Variants in RNF17 observed in about 807,000 individuals in gnomAD.
RNF17 encodes the protein ring finger protein 17, also known as spermatogenesis associated 23.
Under a neutral mutation model 200.5 loss-of-function variants are expected in RNF17, and 31 were observed. The observed-to-expected ratio is 0.15, with a 90% CI of 0.12 to 0.21. RNF17 has a LOEUF of 0.21. RNF17 is among the 10% of genes least tolerant of loss of function. RNF17 has a pLI of 1.00. For synonymous variants in RNF17, 606 were observed against 637.8 expected (o/e 0.95, Z 0.75); for missense variants, 1,628 against 1,905.1 (o/e 0.85, Z 2.71).
the RNF17 span, chr13:24,751,020 G>T: frequency 1.3e-5 from 2 of 151,910 alleles, no homozygotes; most frequent in African/African-American, 4.8e-5. Context: ...TCTAAAGCTG[G>T]AATTAAATTC....
At chr13:24,873,328 T>C (rs1894497246) in intron 32 of RNF17, among the ~76,000 whole-genome samples, 1 of 152,196 alleles carries the variant, frequency 6.6e-6, no homozygotes, top group East Asian at 1.9e-4. Context: ...TTATAAAATA[T>C]GAACAGAAAA....
chr13:24,763,506 C>G (rs541783645), upstream of RNF17, among the ~76,000 whole-genome samples: 7 of 151,910 alleles, frequency 4.6e-5, no homozygotes, highest in South Asian at 2.1e-4. Flanking sequence ...CGTGAGCCAC[C>G]GCGCCGGGCC....
intron 15 of RNF17, among the ~76,000 whole-genome samples, chr13:24,809,740 C>T (rs1886361762): frequency 6.6e-6 from 1 of 152,080 alleles, no homozygotes; most frequent in South Asian, 2.1e-4. Flanking sequence ...GTTAGGGTGT[C>T]AATTTTGGAT....
chr13:24,789,549 C>A, intron 8 of RNF17, 125 bp downstream of exon 8: 2 of 894,702 alleles, frequency 2.2e-6, no homozygotes, highest in South Asian at 1.6e-5. Context: ...AGTTAGTAAC[C>A]AAATTAAGAT....
Position 24,799,447 on chromosome 13 carries a change from T to C in RNF17, c.1452T>C (p.Thr484=). ...SIKNGMWCRG[T]ITELIPIEGR... ...AAAATGGAATGTGGTGTCGAGGAACTATCACAGAATTAATTCCAATAGAGG... is the reference window on the plus strand; with the variant it reads ...AAAATGGAATGTGGTGTCGAGGAACCATCACAGAATTAATTCCAATAGAGG... The change falls in exon 12 of 36, where the codon ACT becomes ACC. Residue 484 remains threonine (T), a synonymous_variant. Transcript: ENST00000255324. The C allele has an allele frequency of 1.2e-6, 2 of 1,610,782 alleles. 1 individual carries two copies.
At position 24,870,673 on chromosome 13, in the gene RNF17, G is replaced by T. The variant is rs746823725; in HGVS notation, c.4381G>T (p.Asp1461Tyr). Residue 1461 changes from aspartate to tyrosine, a missense_variant, in exon 32 of 36, where the codon GAT (aspartate) becomes TAT (tyrosine). Physicochemically the swap from Asp to Tyr is radical, Grantham distance 160 (BLOSUM62 -3). Transcript: ENST00000255324. ...VSGESESESL[D>Y]EALQRVNKKV... The stretch of plus-strand genomic sequence containing the variant: ...CGGGGAATCAGAATCCGAGAGCCTT[G>T]ATGAAGCACTGCAGAGGGTTAATAA... The T allele has an allele frequency of 6.2e-7, 1 of 1,614,206 alleles. No individual in the cohort carries two copies. Among genetic ancestry groups the T allele is most frequent in the Non-Finnish European group, 8.5e-7 (1 of 1,180,020 alleles).
In RNF17 at chr13:24,877,064, T is replaced by C. The variant is rs1348637289; in HGVS notation, c.4651T>C (p.Phe1551Leu). Residue 1551 changes from phenylalanine to leucine, a missense_variant, in exon 34 of 36, where the codon TTT becomes CTT. Physicochemically the swap from Phe to Leu is conservative, Grantham distance 22 (BLOSUM62 0). Coordinates refer to ENST00000255324, the MANE Select transcript of RNF17 (RefSeq NM_031277.3). ...ARAIKVLLAG[F>L]KPPLRDLGET... ...AGCCATAAAGGTTCTCTTGGCAGGG[T>C]TTAAACCTCCCTTAAGGGATCTAGG... The C allele has an allele frequency of 5.6e-6, 9 of 1,613,282 alleles. No homozygotes were observed. The highest frequency in any genetic ancestry group is 4.0e-5 in the African/African-American group (3 of 74,824).
At chr13:24,829,975 G>A (rs956055536) in intron 16 of RNF17, among the ~76,000 whole-genome samples, 2 of 152,082 alleles carry the variant, frequency 1.3e-5, no homozygotes, top group African/African-American at 2.4e-5. Context: ...TGTATTAAGT[G>A]CTTACTTTGT....
intron 18 of RNF17, among the ~76,000 whole-genome samples, chr13:24,836,422 A>G (rs1342822052): frequency 6.6e-6 from 1 of 152,218 alleles, no homozygotes; most frequent in South Asian, 2.1e-4. Context: ...AGGTTATCAA[A>G]GTTAAGACGA....
intron 9 of RNF17, among the ~76,000 whole-genome samples, chr13:24,791,545 T>C (rs190337609): frequency 1.3e-5 from 2 of 152,268 alleles, no homozygotes; most frequent in African/African-American, 2.4e-5. Context: ...ACTTAAGAGA[T>C]CTTGGTCTTG....
At chr13:24,848,399 C>T (rs1347311066) in intron 22 of RNF17, among the ~76,000 whole-genome samples, 6 of 152,184 alleles carry the variant, frequency 3.9e-5, no homozygotes, top group Admixed American at 6.6e-5. Flanking sequence ...CGGTGGCCCA[C>T]GCCTGTAAAC....
At chr13:24,844,063 T>A in intron 20 of RNF17, 92 bp downstream of exon 20, 1 of 426,222 alleles carries the variant, frequency 2.3e-6, no homozygotes, top group Non-Finnish European at 3.9e-6. Flanking sequence ...TAAATGTAGA[T>A]TTTACTAGCA....
intron 25 of RNF17, among the ~76,000 whole-genome samples, chr13:24,857,798 T>C (rs1892675643): frequency 6.6e-6 from 1 of 152,134 alleles, no homozygotes; most frequent in Non-Finnish European, 1.5e-5. Flanking sequence ...CTCAGGAAAC[T>C]GAGGCAGGAG....
upstream of RNF17, among the ~76,000 whole-genome samples, chr13:24,760,906 A>G (rs914696169): frequency 2.0e-5 from 3 of 152,230 alleles, no homozygotes; most frequent in African/African-American, 7.2e-5. Flanking sequence ...AATGCAAATT[A>G]AAACCACAAT....
At chr13:24,886,595 AG>A in the RNF17 span, among the ~76,000 whole-genome samples, 1 of 152,182 alleles carries the variant, frequency 6.6e-6, no homozygotes, top group Non-Finnish European at 1.5e-5. Flanking sequence ...GCTTGAGCAA[AG>A]GGGCAGATGG....
In RNF17 at chr13:24,865,726, G is replaced by A. The variant is rs373082493; in HGVS notation, c.4102-418G>A. Among the ~76,000 whole-genome samples, 7 of 152,096 alleles carry A rather than the reference G, an allele frequency of 4.6e-5. No homozygotes were observed. In the East Asian group the frequency reaches 1.2e-3, roughly 25 times the overall value. On this transcript the variant is annotated intron_variant, in intron 29 of 35. Coordinates refer to ENST00000255324, the MANE Select transcript of RNF17 (RefSeq NM_031277.3). The stretch of plus-strand genomic sequence containing the variant: ...GAAATCGTGCTATAACTTTGTTCCT[G>A]TAATCCTCACTGCCAGCTTTTTCTT...
At chr13:24,751,253 C>G in the RNF17 span, 1 of 151,748 alleles carries the variant, frequency 6.6e-6, no homozygotes, top group Admixed American at 6.6e-5. Context: ...ATTGATCCAT[C>G]ATCATCGTCA....
rs754046181 is a variant in RNF17 at position 24,807,604 on chromosome 13, A to G, written c.2091+3175A>G. On this transcript the variant is annotated intron_variant, in intron 15 of 35. Transcript: ENST00000255324. ...CTCCCATTTTGTAGGTTGTCTGTTC[A>G]TTCTGATGGTAGTTTCTTTTGCTGT... Among the ~76,000 whole-genome samples the G allele has an allele frequency of 2.6e-4, 39 of 152,158 alleles. 1 individual carries two copies. Among genetic ancestry groups the G allele is most frequent in the Non-Finnish European group, 4.3e-4 (29 of 68,034 alleles).
intron 31 of RNF17, 137 bp downstream of exon 31, chr13:24,868,853 C>A (rs1944234057): frequency 6.4e-6 from 4 of 625,440 alleles, no homozygotes; most frequent in African/African-American, 5.6e-5. Flanking sequence ...TTTGCCCCAC[C>A]CTATAATATC....
Sources: allele counts gnomAD v4.1 joint callset (sites outside exome capture counted in the v4.1 genomes callset), GRCh38; gene constraint gnomAD v4.1.1; transcripts MANE v1.5; gene names NCBI Gene and HGNC (gene_info 2026-07-23, HGNC 2026-07-21).